The following ARSJ variants were observed in gnomAD, a reference collection of about 807,000 sequenced individuals.
ARSJ encodes the protein arylsulfatase J.
ARSJ carries 26 observed loss-of-function variants against 35.9 expected under a neutral mutation model. The observed-to-expected ratio is 0.72, with a 90% CI of 0.53 to 1.00. The LOEUF (loss-of-function observed/expected upper bound fraction) is 1.00, where lower values mean the gene tolerates loss of function less well. Among genes scored for constraint, ARSJ ranks in the 50% least tolerant of loss-of-function variants. The pLI is 0.00. For synonymous variants in ARSJ, 294 were observed against 267.6 expected (o/e 1.10, Z -0.96); for missense variants, 667 against 723.6 (o/e 0.92, Z 0.90).
At chr4:113,943,956 T>C (rs1428725923) in intron 1 of ARSJ, among the ~76,000 whole-genome samples, 2 of 152,024 alleles carry the variant, frequency 1.3e-5, no homozygotes, top group Non-Finnish European at 2.9e-5. Context: ...TTATTCTCAT[T>C]GAAATGGCAA....
At chr4:113,940,831 T>A (rs72664873) in intron 1 of ARSJ, among the ~76,000 whole-genome samples, 25,617 of 151,920 alleles carry the variant, frequency 0.17, 2,515 homozygotes, top group Middle Eastern at 0.3. Context: ...GAATTCAAAT[T>A]TTTTTACAGG....
intron 1 of ARSJ, among the ~76,000 whole-genome samples, chr4:113,960,414 T>G (rs1410999178): frequency 2.0e-5 from 3 of 152,244 alleles, no homozygotes; most frequent in Middle Eastern, 3.4e-3. Flanking sequence ...AATTATTTTC[T>G]GTGTACCTCC....
chr4:113,920,427 G>A (rs1215068958), intron 1 of ARSJ, among the ~76,000 whole-genome samples: 1 of 152,076 alleles, frequency 6.6e-6, no homozygotes, highest in Admixed American at 6.6e-5. Context: ...ATAACTATTG[G>A]TGATACCCTA....
chr4:113,962,483 C>T (rs1380762828), intron 1 of ARSJ, among the ~76,000 whole-genome samples: 3 of 139,470 alleles, frequency 2.2e-5, no homozygotes, highest in Non-Finnish European at 3.1e-5. Context: ...GAGCAGGCAC[C>T]TTTTTTTTTT....
At chr4:113,924,066 AATATATAT>A (rs1403326700) in intron 1 of ARSJ, among the ~76,000 whole-genome samples, 1 of 107,506 alleles carries the variant, frequency 9.3e-6, no homozygotes, top group African/African-American at 4.9e-5. Context: ...AATATATATA[AATATATAT>A]AAATATATAT....
intron 1 of ARSJ, among the ~76,000 whole-genome samples, chr4:113,905,449 A>T (rs2099668416): frequency 6.6e-6 from 1 of 152,112 alleles, no homozygotes; most frequent in Non-Finnish European, 1.5e-5. Context: ...TGCAACACAC[A>T]CTGATGTTTC....
At chr4:113,950,082 T>C (rs930511593) in intron 1 of ARSJ, among the ~76,000 whole-genome samples, 46 of 152,192 alleles carry the variant, frequency 3.0e-4, no homozygotes, top group African/African-American at 1.1e-3. Flanking sequence ...ATGTAAGCTA[T>C]ATGGTTCTCG....
Position 113,978,604 on chromosome 4 carries a change from A to G in ARSJ, c.231T>C (p.His77=), listed in dbSNP as rs752088253. The G allele has an allele frequency of 2.5e-6, 4 of 1,614,196 alleles. No individual in the cohort carries two copies. In the Admixed American group the frequency reaches 6.7e-5, roughly 27 times the overall value. Residue 77 remains histidine (H), a synonymous_variant, in exon 1 of 2, where the codon CAT becomes CAC. Transcript: ENST00000315366. ...EPSTTSTSQP[H]LIFILADDQG... is the part of the protein sequence containing the mutation. ...GATCATCCGCTAGGATGAAAATGAG[A>G]TGGGGCTGGGAGGTGGAAGTTGTGC...
At chr4:113,950,312 C>A (rs1725779150) in intron 1 of ARSJ, among the ~76,000 whole-genome samples, 1 of 152,060 alleles carries the variant, frequency 6.6e-6, no homozygotes, top group African/African-American at 2.4e-5. Context: ...TTTATGCTCC[C>A]CTAATACCTG....
intron 1 of ARSJ, among the ~76,000 whole-genome samples, chr4:113,962,407 G>A (rs936935506): frequency 6.6e-6 from 1 of 151,670 alleles, no homozygotes; most frequent in Non-Finnish European, 1.5e-5. Context: ...TTATTTATTG[G>A]TAGGCTTTGA....
intron 1 of ARSJ, among the ~76,000 whole-genome samples, chr4:113,908,754 A>T (rs986334076): frequency 1.3e-5 from 2 of 152,192 alleles, no homozygotes; most frequent in Non-Finnish European, 2.9e-5. Context: ...AACATTATAA[A>T]ACTTACACAG....
At chr4:113,973,734 A>G (rs1417555296) in intron 1 of ARSJ, among the ~76,000 whole-genome samples, 1 of 152,194 alleles carries the variant, frequency 6.6e-6, no homozygotes, top group Non-Finnish European at 1.5e-5. Flanking sequence ...TCAGAAGAGA[A>G]TTACTTCAGA....
intron 1 of ARSJ, among the ~76,000 whole-genome samples, chr4:113,970,054 C>T (rs1393625810): frequency 6.6e-6 from 1 of 152,110 alleles, no homozygotes; most frequent in Non-Finnish European, 1.5e-5. Flanking sequence ...GCTGTATAAG[C>T]AAAGTGGTAT....
At chr4:113,963,658 CA>C (rs1471561660) in intron 1 of ARSJ, among the ~76,000 whole-genome samples, 1 of 150,742 alleles carries the variant, frequency 6.6e-6, no homozygotes, top group African/African-American at 2.4e-5. Context: ...CAGCACCTGG[CA>C]AAGAGTAGGT....
In ARSJ at chr4:113,901,716, T is replaced by C. The variant is rs1363886623; in HGVS notation, c.*558A>G. The C allele has an allele frequency of 6.6e-6, 1 of 152,530 alleles. No homozygotes were observed. The highest frequency in any genetic ancestry group is 2.4e-5 in the African/African-American group (1 of 41,396). The allele number at this position is 152,530 out of a possible 1,614,324, so 9.4% of individuals were successfully genotyped here. A position where few individuals can be genotyped will look rare whatever the true frequency, so the allele number is the denominator to read the frequency against. On this transcript the variant is annotated 3_prime_UTR_variant, in exon 2 of 2. Coordinates refer to ENST00000315366, the MANE Select transcript of ARSJ (RefSeq NM_024590.4). ...TCACAGGAAAAGAAACATATATATA[T>C]ATATAAAATAGAATTAATTAAAAAA...
chr4:113,929,003 C>A (rs1470146956), intron 1 of ARSJ, among the ~76,000 whole-genome samples: 2 of 152,022 alleles, frequency 1.3e-5, no homozygotes, highest in Non-Finnish European at 2.9e-5. Flanking sequence ...CCAAGCAAAT[C>A]AACTATTAGA....
intron 1 of ARSJ, among the ~76,000 whole-genome samples, chr4:113,922,548 G>A (rs1438366624): frequency 1.3e-5 from 2 of 152,078 alleles, no homozygotes; most frequent in East Asian, 1.9e-4. Flanking sequence ...ACCAATCACT[G>A]TTATATTTTC....
intron 1 of ARSJ, among the ~76,000 whole-genome samples, chr4:113,927,953 T>C (rs970736593): frequency 2.0e-5 from 3 of 152,146 alleles, no homozygotes; most frequent in Admixed American, 6.5e-5. Flanking sequence ...GCCCTTACCC[T>C]ACCAGTCAGG....
chr4:113,902,749 T>A lies in ARSJ; in HGVS notation c.1325A>T (p.Asn442Ile). 1 of 1,614,222 alleles carries A rather than the reference T, an allele frequency of 6.2e-7. No homozygotes were observed. The highest frequency in any genetic ancestry group is 8.5e-7 in the Non-Finnish European group (1 of 1,180,036). ...TCTGATGGCTGACTGGATTGCAGTGTTCCAGATCCCATAGCCTGCTGCCCA... is the reference window on the plus strand; with the variant it reads ...TCTGATGGCTGACTGGATTGCAGTGATCCAGATCCCATAGCCTGCTGCCCA... ...GSWAAGYGIW[N>I]TAIQSAIRVQ... Residue 442 changes from asparagine to isoleucine, a missense_variant, in exon 2 of 2, where the codon AAC becomes ATC. Physicochemically the swap from Asn to Ile is moderately radical, Grantham distance 149. Coordinates refer to ENST00000315366, the MANE Select transcript of ARSJ (RefSeq NM_024590.4).
Sources: gnomAD v4.1 joint callset for allele counts (sites outside exome capture counted in the v4.1 genomes callset) on GRCh38, gnomAD v4.1.1 for gene constraint, MANE v1.5 for transcripts, NCBI Gene and HGNC (gene_info 2026-07-23, HGNC 2026-07-21) for gene names.